NOX1: variants seen among roughly 807,000 people sequenced by gnomAD.
NOX1 encodes the protein NADH/NADPH mitogenic oxidase subunit P65-MOX.
NOX1 carries 34 observed loss-of-function variants against 42.5 expected under a neutral mutation model. The observed-to-expected ratio is 0.80, with a 90% CI of 0.61 to 1.07. The LOEUF is 1.07. Among genes scored for constraint, NOX1 ranks in the 50% least tolerant of loss-of-function variants. The pLI, the probability that NOX1 is intolerant of heterozygous loss-of-function variation, is 0.00. For missense variants in NOX1, 408 were observed against 427.0 expected, an observed-to-expected ratio of 0.96 and a Z score of 0.39; for synonymous variants, 143 against 152.5, an observed-to-expected ratio of 0.94 and a Z score of 0.46.
intron 1 of NOX1, among the ~76,000 whole-genome samples, chrX:100,871,300 C>G (rs1452203204): frequency 8.9e-6 from 1 of 112,018 alleles, no homozygotes; most frequent in Non-Finnish European, 1.9e-5. Context: ...ATATGGCTTG[C>G]AAAGCCTAAA....
At chrX:100,870,923 T>C in intron 1 of NOX1, 109 bp from the exon 2 acceptor site, 1 of 491,632 alleles carries the variant, frequency 2.0e-6, no homozygotes, top group South Asian at 3.3e-5. Context: ...CTATTTTGTG[T>C]TTACCTGTTT....
chrX:100,847,766 C>CAAA (rs11404159), intron 12 of NOX1, among the ~76,000 whole-genome samples: 6 of 60,670 alleles, frequency 9.9e-5, no homozygotes, highest in Admixed American at 4.4e-4. Context: ...AACTCCATCT[C>CAAA]AAAAAAAAAA....
At chrX:100,871,690 C>G (rs996195180) in intron 1 of NOX1, among the ~76,000 whole-genome samples, 1 of 111,736 alleles carries the variant, frequency 8.9e-6, no homozygotes, top group Non-Finnish European at 1.9e-5. Flanking sequence ...GGTCTCTAGC[C>G]CAAGTGTGGA....
Position 100,870,699 on chromosome X carries a change from G to A in NOX1, c.141+20C>T, listed in dbSNP as rs752679603. On this transcript the variant is annotated intron_variant, in intron 2 of 12. Transcript: ENST00000372966. Reference sequence around the variant, plus strand: ...AAGGAAAACAATAGAGATTCTATCCGTGACAACCGTGATACTCACCCCAAG... The same window carrying A: ...AAGGAAAACAATAGAGATTCTATCCATGACAACCGTGATACTCACCCCAAG... 1.9e-5 allele frequency: 18 copies of A among 967,049 alleles called. No homozygotes were observed. Among genetic ancestry groups the A allele is most frequent in the Non-Finnish European group, 2.2e-5 (15 of 678,367 alleles). The allele number at this position is 967,049 out of a possible 1,213,427, so 79.7% of individuals were successfully genotyped here.
chrX:100,851,276 A>G lies in NOX1; in HGVS notation c.854T>C (p.Ile285Thr). The G allele has an allele frequency of 8.3e-7, 1 of 1,198,882 alleles. No homozygotes were observed. The highest frequency in any genetic ancestry group is 3.0e-5 in the East Asian group (1 of 33,491). The part of the protein sequence containing the change: ...APVILYICER[I>T]LRFYRSQQKV... ...CTGCTGGGAGCGGTAAAACCGGAGGATCCTTTCACAGATATAAAGAATGAC... is the reference window on the plus strand; with the variant it reads ...CTGCTGGGAGCGGTAAAACCGGAGGGTCCTTTCACAGATATAAAGAATGAC... Residue 285 changes from isoleucine to threonine, a missense_variant, in exon 8 of 13, where the codon ATC becomes ACC. Ile to Thr is a moderately conservative substitution (Grantham distance 89, BLOSUM62 -1). Transcript: ENST00000372966.
At chrX:100,862,092 ATAACAATAAGAG>A in intron 7 of NOX1, 67 bp downstream of exon 7, 1 of 1,038,663 alleles carries the variant, frequency 9.6e-7, no homozygotes, top group Non-Finnish European at 1.3e-6. Flanking sequence ...AATGATGATA[ATAACAATAAGAG>A]TAATAATAAG....
In NOX1 at chrX:100,864,883, C is replaced by A. The variant is rs60467694; in HGVS notation, c.142-1288G>T. Among the ~76,000 whole-genome samples the A allele has an allele frequency of 6.9e-3, 771 of 112,058 alleles. 19 individuals are homozygous for A. The East Asian group carries it at 0.1, about 15-fold the overall frequency. ...TGTTGCACTTCTGCTGACTGGCCAGCCTTACATTGTGTGCCTGTCAAAGAC... is the reference window on the plus strand; with the variant it reads ...TGTTGCACTTCTGCTGACTGGCCAGACTTACATTGTGTGCCTGTCAAAGAC... On this transcript the variant is annotated intron_variant, in intron 2 of 12. Transcript: ENST00000372966.
chrX:100,844,676 G>A (rs1388453902), intron 12 of NOX1, among the ~76,000 whole-genome samples: 2 of 111,235 alleles, frequency 1.8e-5, no homozygotes, highest in Non-Finnish European at 3.8e-5. Context: ...CAAGTGATCC[G>A]CCTGCCTCAG....
At chrX:100,861,987 G>A (rs1403059898) in intron 7 of NOX1, among the ~76,000 whole-genome samples, 184 bp downstream of exon 7, 1 of 112,081 alleles carries the variant, frequency 8.9e-6, no homozygotes, top group East Asian at 2.8e-4. Context: ...AGATCCCCTT[G>A]TAATTGCCTG....
At chrX:100,853,250 C>CT (rs1476648401) in intron 7 of NOX1, among the ~76,000 whole-genome samples, 202 of 40,172 alleles carry the variant, frequency 5.0e-3, no homozygotes, top group African/African-American at 0.02. Context: ...TCTTTCCTTC[C>CT]TTCCTTCCTT....
intron 7 of NOX1, chrX:100,855,654 C>T: frequency 3.0e-6 from 3 of 1,013,276 alleles, no homozygotes; most frequent in Non-Finnish European, 4.1e-6. Context: ...TGGATAACCA[C>T]CATCATTACC....
intron 7 of NOX1, among the ~76,000 whole-genome samples, chrX:100,851,625 A>C (rs1472983537): frequency 1.8e-5 from 2 of 112,281 alleles, no homozygotes; most frequent in Non-Finnish European, 3.8e-5. Flanking sequence ...ATTACATATA[A>C]AATTTAATTT....
At chrX:100,873,780 A>ACC (rs1180663145) in intron 1 of NOX1, among the ~76,000 whole-genome samples, 1 of 111,707 alleles carries the variant, frequency 9.0e-6, no homozygotes, top group Non-Finnish European at 1.9e-5. Context: ...TCTTGATGGG[A>ACC]CCAGTATAGG....
Position 100,862,310 on chromosome X carries a change from T to C in NOX1, c.672-7A>G, listed in dbSNP as rs1251739276. 2.5e-6 allele frequency: 3 copies of C among 1,211,144 alleles called. No homozygotes were observed. The highest frequency in any genetic ancestry group is 3.4e-6 in the Non-Finnish European group (3 of 895,321). On this transcript the variant is annotated splice_region_variant and splice_polypyrimidine_tract_variant and intron_variant, in intron 6 of 12. Coordinates refer to ENST00000372966, the MANE Select transcript of NOX1 (RefSeq NM_007052.5). ...TTGACCCCGGACAATTCCACTGAAA[T>C]AGACAAAGAAGGATGGTTTGGGACA...
chrX:100,862,544 A>G lies in NOX1; in HGVS notation c.519T>C (p.Ile173=). The change falls in exon 6 of 13, where the codon ATT becomes ATC. Residue 173 remains isoleucine (I), a synonymous_variant. Coordinates refer to ENST00000372966, the MANE Select transcript of NOX1 (RefSeq NM_007052.5). ...TCATGATCACTCCAGTGAGACCAGCAATGCTGGTGAATGTCACATACTCCA... is the reference window on the plus strand; with the variant it reads ...TCATGATCACTCCAGTGAGACCAGCGATGCTGGTGAATGTCACATACTCCA... The part of the protein sequence containing the change: ...TTVEYVTFTS[I]AGLTGVIMTI... The G allele has an allele frequency of 8.3e-7, 1 of 1,210,429 alleles. No individual in the cohort carries two copies.
chrX:100,865,331 A>ATTTTCC (rs1271338549), intron 2 of NOX1, among the ~76,000 whole-genome samples: 2 of 112,874 alleles, frequency 1.8e-5, no homozygotes, highest in Non-Finnish European at 3.7e-5. Flanking sequence ...ATAGGACTAT[A>ATTTTCC]ATTTCACAGT....
intron 1 of NOX1, among the ~76,000 whole-genome samples, chrX:100,872,657 A>AG (rs1249899925): frequency 9.1e-6 from 1 of 110,136 alleles, no homozygotes; most frequent in Non-Finnish European, 1.9e-5. Flanking sequence ...AAAATAAGAG[A>AG]GGGGGAAAAA....
Position 100,843,725 on chromosome X carries a change from A to G in NOX1, c.*227T>C, listed in dbSNP as rs1212026033. 1.0e-5 allele frequency: 4 copies of G among 396,122 alleles called. No homozygotes were observed. Among genetic ancestry groups the G allele is most frequent in the African/African-American group, 5.2e-5 (2 of 38,436 alleles). 32.6% of individuals were successfully genotyped at this position (396,122 alleles called of 1,213,427 possible). A position where few individuals can be genotyped will look rare whatever the true frequency, so the allele number is the denominator to read the frequency against. ...AGATTTACAGTTATTTTTCTGAGAA[A>G]GGATCCATGGGCTTTAAGAACTTCA... On this transcript the variant is annotated 3_prime_UTR_variant, in exon 13 of 13. Transcript: ENST00000372966.
At chrX:100,853,430 T>TCTTCCTTCCTTCCTTCCTTGCTTTCTTC (rs1184022042) in intron 7 of NOX1, among the ~76,000 whole-genome samples, 1 of 101,458 alleles carries the variant, frequency 9.9e-6, no homozygotes, top group African/African-American at 3.6e-5. Context: ...TTTCTTTTTT[T>TCTTCCTTCCTTCCTTCCTTGCTTTCTTC]TTTTTGACAG....
Sources: gnomAD v4.1 joint callset for allele counts (sites outside exome capture counted in the v4.1 genomes callset) on GRCh38, gnomAD v4.1.1 for gene constraint, MANE v1.5 for transcripts, NCBI Gene and HGNC (gene_info 2026-07-23, HGNC 2026-07-21) for gene names.